MACROD2: variants seen among roughly 807,000 people sequenced by gnomAD.
The protein encoded by MACROD2 is ADP-ribose glycohydrolase MACROD2.
MACROD2 carries 36 observed loss-of-function variants against 70.4 expected under a neutral mutation model. The ratio of observed to expected loss-of-function variants is 0.51; its 90% CI spans 0.39 to 0.68. The LOEUF is 0.68. Among genes scored for constraint, MACROD2 ranks in the 30% least tolerant of loss-of-function variants. MACROD2 has a pLI of 0.00. For missense variants in MACROD2, 496 were observed against 538.4 expected, an observed-to-expected ratio of 0.92 and a Z score of 0.78; for synonymous variants, 172 against 178.8, an observed-to-expected ratio of 0.96 and a Z score of 0.30.
intron 8 of MACROD2, among the ~76,000 whole-genome samples, chr20:15,729,715 C>T (rs2050916188): frequency 6.6e-6 from 1 of 151,564 alleles, no homozygotes; most frequent in South Asian, 2.1e-4. Flanking sequence ...AACAACCCCT[C>T]CTTTTTTCTG....
At chr20:15,929,483 A>G (rs2065541584) in intron 10 of MACROD2, among the ~76,000 whole-genome samples, 1 of 151,856 alleles carries the variant, frequency 6.6e-6, no homozygotes, top group African/African-American at 2.4e-5. Flanking sequence ...GGGACTGAAG[A>G]ATTAAGACCA....
At chr20:14,389,685 A>T (rs1316484508) in intron 3 of MACROD2, among the ~76,000 whole-genome samples, 1 of 152,154 alleles carries the variant, frequency 6.6e-6, no homozygotes, top group African/African-American at 2.4e-5. Flanking sequence ...ATTTGCTTAT[A>T]TTTCTCTCAA....
At chr20:14,714,678 T>G (rs1283843758) in intron 5 of MACROD2, among the ~76,000 whole-genome samples, 1 of 152,138 alleles carries the variant, frequency 6.6e-6, no homozygotes, top group East Asian at 1.9e-4. Flanking sequence ...TGTTTCCTCT[T>G]CCTGGCATTC....
chr20:14,604,291 C>T (rs546102126), intron 4 of MACROD2, among the ~76,000 whole-genome samples: 1 of 152,308 alleles, frequency 6.6e-6, no homozygotes, highest in South Asian at 2.1e-4. Context: ...GAGCCATTGG[C>T]TCCTACTATT....
chr20:14,486,527 T>TTA (rs1437229189), intron 3 of MACROD2, among the ~76,000 whole-genome samples: 1 of 144,312 alleles, frequency 6.9e-6, no homozygotes, highest in Non-Finnish European at 1.5e-5. Flanking sequence ...TTATTTTATT[T>TTA]TTTTTTTTTG....
chr20:14,208,130 T>A (rs548647049), intron 3 of MACROD2, among the ~76,000 whole-genome samples: 1 of 152,182 alleles, frequency 6.6e-6, no homozygotes, highest in Non-Finnish European at 1.5e-5. Flanking sequence ...TCCATGATGT[T>A]GATCCTGGAT....
rs796473310 is a variant in MACROD2, at chr20:15,231,286, TAGA to T, written c.540+1226_540+1228del. On this transcript the variant is annotated intron_variant, in intron 6 of 17. Coordinates refer to ENST00000684519, the MANE Select transcript of MACROD2 (RefSeq NM_001351661.2). ...CAATACATAAGATCCTATTCTCTCTTAGAGGTGAAAGCTGAAGTTCAAAGAGAA... is the reference window on the plus strand; with the variant it reads ...CAATACATAAGATCCTATTCTCTCTTGGTGAAAGCTGAAGTTCAAAGAGAA... 2.0e-5 allele frequency among the ~76,000 whole-genome samples: 3 copies of T among 152,022 alleles called. No individual in the cohort carries two copies. In the South Asian group the frequency reaches 6.2e-4, roughly 32 times the overall value.
intron 3 of MACROD2, among the ~76,000 whole-genome samples, chr20:14,273,814 T>C (rs1434166022): frequency 1.3e-5 from 2 of 150,716 alleles, no homozygotes; most frequent in Non-Finnish European, 3.0e-5. Context: ...AAAGGGGATA[T>C]CACCACCGAT....
chr20:15,926,100 G>A (rs568523990), intron 10 of MACROD2, among the ~76,000 whole-genome samples: 5 of 152,264 alleles, frequency 3.3e-5, no homozygotes, highest in African/African-American at 9.6e-5. Context: ...ATCTGCCCCC[G>A]CCTGGGGAGG....
chr20:14,946,057 G>A (rs956926147), intron 5 of MACROD2, among the ~76,000 whole-genome samples: 5 of 152,100 alleles, frequency 3.3e-5, no homozygotes, highest in African/African-American at 1.2e-4. Context: ...AAATTAGCCG[G>A]GCATATTGGC....
chr20:14,198,258 C>A (rs1437686074), intron 3 of MACROD2, among the ~76,000 whole-genome samples: 1 of 152,052 alleles, frequency 6.6e-6, no homozygotes, highest in East Asian at 1.9e-4. Flanking sequence ...CAAGGAGATG[C>A]TGGTAATTTG....
At chr20:14,239,403 G>T (rs1384391806) in intron 3 of MACROD2, among the ~76,000 whole-genome samples, 1 of 152,094 alleles carries the variant, frequency 6.6e-6, no homozygotes, top group African/African-American at 2.4e-5. Context: ...ACAACAAAAA[G>T]CTTCAATAAC....
chr20:15,018,729 A>AT (rs1292295830), intron 5 of MACROD2, among the ~76,000 whole-genome samples: 1 of 152,136 alleles, frequency 6.6e-6, no homozygotes, highest in African/African-American at 2.4e-5. Flanking sequence ...AGCTGATTAG[A>AT]TGGTGCACAC....
At chr20:14,576,845 T>G (rs1368567177) in intron 4 of MACROD2, among the ~76,000 whole-genome samples, 1 of 152,222 alleles carries the variant, frequency 6.6e-6, no homozygotes, top group Non-Finnish European at 1.5e-5. Flanking sequence ...CAAATTATAA[T>G]GCAATAGAAC....
Position 14,807,698 on chromosome 20 carries a change from A to G in MACROD2, c.418+122739A>G, listed in dbSNP as rs566025824. The stretch of plus-strand genomic sequence containing the variant: ...GGAAGGAAGCTAAGAACCTTGATAA[A>G]AGGTTAGAGGAACGGCTAAGTAGAA... On this transcript the variant is annotated intron_variant, in intron 5 of 17. Coordinates refer to ENST00000684519, the MANE Select transcript of MACROD2 (RefSeq NM_001351661.2). 7.0e-4 allele frequency among the ~76,000 whole-genome samples: 107 copies of G among 152,270 alleles called. 1 individual carries two copies. In the South Asian group the frequency reaches 0.021, roughly 29 times the overall value.
chr20:14,355,855 T>C (rs1473669659), intron 3 of MACROD2, among the ~76,000 whole-genome samples: 1 of 152,190 alleles, frequency 6.6e-6, no homozygotes, highest in Admixed American at 6.5e-5. Context: ...TTGAGATTAT[T>C]GGGAGTGGAG....
chr20:14,764,403 T>A (rs1302588073), intron 5 of MACROD2, among the ~76,000 whole-genome samples: 1 of 151,970 alleles, frequency 6.6e-6, no homozygotes, highest in East Asian at 1.9e-4. Context: ...TCATGAGGAG[T>A]CCCTTCATTA....
intron 8 of MACROD2, among the ~76,000 whole-genome samples, chr20:15,638,562 G>A (rs1015635648): frequency 6.6e-6 from 1 of 152,188 alleles, no homozygotes; most frequent in Non-Finnish European, 1.5e-5. Context: ...AGGACTGTGG[G>A]CACTGGCCTG....
At chr20:15,672,387 G>A (rs202228549) in intron 8 of MACROD2, among the ~76,000 whole-genome samples, 6 of 89,692 alleles carry the variant, frequency 6.7e-5, no homozygotes, top group Admixed American at 2.2e-4. Flanking sequence ...ACACACACAC[G>A]TAGAGTCATT....
Sources: allele counts gnomAD v4.1 joint callset (sites outside exome capture counted in the v4.1 genomes callset), GRCh38; gene constraint gnomAD v4.1.1; transcripts MANE v1.5; gene names NCBI Gene and HGNC (gene_info 2026-07-23, HGNC 2026-07-21).